The following UPP2 variants were observed in gnomAD, a reference collection of about 807,000 sequenced individuals.
The protein encoded by UPP2 is uridine phosphorylase 2.
In UPP2, 23 loss-of-function variants were observed where a neutral mutation model predicts 26.7. That is an observed-to-expected ratio of 0.86 (90% CI 0.62 to 1.22). UPP2 has a LOEUF of 1.22. Among genes scored for constraint, UPP2 ranks in the 50% most tolerant of loss-of-function variants. The pLI, the probability that UPP2 is intolerant of heterozygous loss-of-function variation, is 0.00. For missense variants in UPP2, 387 were observed against 396.7 expected (o/e 0.98, Z 0.21); for synonymous variants, 127 against 141.3 (o/e 0.90, Z 0.72).
chr2:158,132,395 G>C (rs553999377), intron 6 of UPP2, among the ~76,000 whole-genome samples: 1 of 152,298 alleles, frequency 6.6e-6, no homozygotes, highest in South Asian at 2.1e-4. Context: ...AGGAAGCTAG[G>C]AGTTGATTGG....
chr2:157,998,148 T>A (rs1048324665), intron 2 of UPP2, among the ~76,000 whole-genome samples: 2 of 152,132 alleles, frequency 1.3e-5, no homozygotes, highest in Non-Finnish European at 2.9e-5. Context: ...TCTTGGTGGA[T>A]TGACTAAAAC....
intron 3 of UPP2, among the ~76,000 whole-genome samples, chr2:158,047,610 C>A (rs952420797): frequency 6.6e-6 from 1 of 152,162 alleles, no homozygotes; most frequent in African/African-American, 2.4e-5. Flanking sequence ...AGCACCACTC[C>A]TTAGTGTCAT....
In UPP2 at chr2:158,020,050, C is replaced by T. The variant is rs780161517; in HGVS notation, c.147+4164C>T. 5.3e-5 allele frequency among the ~76,000 whole-genome samples: 8 copies of T among 152,220 alleles called. No homozygotes were observed. The South Asian group carries it at 1.0e-3, about 20-fold the overall frequency. ...AAAGGCTAAGGTGACTGTTGAATAG[C>T]GACTAGATTTGCTTGAAAGGCCCAG... On this transcript the variant is annotated intron_variant, in intron 3 of 9. Transcript: ENST00000605860.
At chr2:158,107,162 TG>T (rs1274893276) in intron 2 of UPP2, among the ~76,000 whole-genome samples, 2 of 152,220 alleles carry the variant, frequency 1.3e-5, no homozygotes, top group African/African-American at 4.8e-5. Context: ...TTCACAGAAA[TG>T]GTCAAAGAGA....
chr2:158,043,156 G>A (rs1031606449), intron 3 of UPP2, among the ~76,000 whole-genome samples: 1 of 152,158 alleles, frequency 6.6e-6, no homozygotes, highest in Non-Finnish European at 1.5e-5. Context: ...TGGGGCAGCT[G>A]GTTTCCCTCT....
Position 158,134,857 on chromosome 2 carries a change from C to T in UPP2, c.921C>T (p.Asn307=), listed in dbSNP as rs368713824. The change falls in exon 7 of 7, where the codon AAC becomes AAT. Residue 307 remains asparagine (N), a synonymous_variant. Coordinates refer to ENST00000005756, the MANE Select transcript of UPP2 (RefSeq NM_173355.4). Reference sequence around the variant, plus strand: ...AACGGCCTCAGCTCCTAATCTCCAACTTCATCAGACGGCGGCTTGGACTTT... The same window carrying T: ...AACGGCCTCAGCTCCTAATCTCCAATTTCATCAGACGGCGGCTTGGACTTT... ...YQQRPQLLIS[N]FIRRRLGLCD 1.9e-6 allele frequency: 3 copies of T among 1,613,610 alleles called. No homozygotes were observed. In the African/African-American group the frequency reaches 4.0e-5, roughly 22 times the overall value.
At chr2:158,046,939 A>G (rs1182279218) in intron 3 of UPP2, among the ~76,000 whole-genome samples, 1 of 152,212 alleles carries the variant, frequency 6.6e-6, no homozygotes, top group African/African-American at 2.4e-5. Context: ...GAATAGAATG[A>G]TTTTCCAAAG....
intron 3 of UPP2, among the ~76,000 whole-genome samples, chr2:158,054,701 T>C (rs914520738): frequency 2.6e-5 from 4 of 152,248 alleles, no homozygotes; most frequent in Admixed American, 6.5e-5. Flanking sequence ...GTATTTTAAT[T>C]GGTTCTTCTC....
intron 3 of UPP2, among the ~76,000 whole-genome samples, chr2:158,039,744 C>G (rs1684058777): frequency 6.6e-6 from 1 of 152,184 alleles, no homozygotes; most frequent in South Asian, 2.1e-4. Flanking sequence ...TGCATTTTAA[C>G]CCAGATACTA....
chr2:158,118,993 A>C (rs1207536298), intron 4 of UPP2, among the ~76,000 whole-genome samples: 1 of 152,028 alleles, frequency 6.6e-6, no homozygotes, highest in African/African-American at 2.4e-5. Context: ...CCATAGAGAG[A>C]AGTAGAGTGC....
chr2:158,026,137 A>G (rs1017032198), intron 3 of UPP2, among the ~76,000 whole-genome samples: 8 of 152,116 alleles, frequency 5.3e-5, no homozygotes, highest in African/African-American at 1.9e-4. Context: ...CTTGTCGACA[A>G]GAGACCTGAG....
At chr2:158,030,454 C>T (rs971095057) in intron 3 of UPP2, among the ~76,000 whole-genome samples, 3 of 152,154 alleles carry the variant, frequency 2.0e-5, no homozygotes, top group South Asian at 2.1e-4. Flanking sequence ...TATATTTGAG[C>T]ATATGTTATA....
At chr2:158,122,963 G>A (rs1220243115) in intron 5 of UPP2, among the ~76,000 whole-genome samples, 1 of 152,154 alleles carries the variant, frequency 6.6e-6, no homozygotes, top group African/African-American at 2.4e-5. Flanking sequence ...AGAGGAAAGG[G>A]AGAAAAAGAG....
chr2:158,042,556 C>T (rs188451732), intron 3 of UPP2, among the ~76,000 whole-genome samples: 1 of 152,172 alleles, frequency 6.6e-6, no homozygotes, highest in African/African-American at 2.4e-5. Flanking sequence ...TTTAGACAAA[C>T]AGCAGGGCTT....
intron 2 of UPP2, among the ~76,000 whole-genome samples, chr2:158,009,124 C>T (rs1683537971): frequency 6.6e-6 from 1 of 152,008 alleles, no homozygotes; most frequent in Non-Finnish European, 1.5e-5. Context: ...TAGGACAGTA[C>T]CCTTTAATTT....
intron 3 of UPP2, among the ~76,000 whole-genome samples, chr2:158,064,380 C>G (rs894741419): frequency 5.3e-5 from 8 of 151,892 alleles, no homozygotes; most frequent in African/African-American, 1.9e-4. Context: ...TGTTTGTTGG[C>G]CACATGAATA....
At chr2:158,007,091 C>T (rs1173359829) in intron 2 of UPP2, among the ~76,000 whole-genome samples, 1 of 152,140 alleles carries the variant, frequency 6.6e-6, no homozygotes, top group Admixed American at 6.5e-5. Flanking sequence ...CCTTTGCCAG[C>T]CTCTCTGGCA....
chr2:158,122,216 C>T lies in UPP2; in HGVS notation c.664+598C>T, dbSNP rs375512136. Among the ~76,000 whole-genome samples the T allele has an allele frequency of 3.3e-5, 5 of 151,050 alleles. No individual in the cohort carries two copies. The South Asian group carries it at 1.0e-3, about 32-fold the overall frequency. ...CAAAGACAGACCCCCGATTCTTTCT[C>T]GTCCCAGAAGAAAGAATCTACACAG... is the stretch of plus-strand genomic sequence containing the variant. On this transcript the variant is annotated intron_variant, in intron 5 of 6. Transcript: ENST00000005756.
chr2:158,002,542 G>A (rs1390553705), intron 2 of UPP2, among the ~76,000 whole-genome samples: 1 of 152,280 alleles, frequency 6.6e-6, no homozygotes, highest in Non-Finnish European at 1.5e-5. Context: ...CAGAGCAAGA[G>A]CTTTGCTGGG....
Sources: allele counts gnomAD v4.1 joint callset (sites outside exome capture counted in the v4.1 genomes callset), GRCh38; gene constraint gnomAD v4.1.1; transcripts MANE v1.5; gene names NCBI Gene and HGNC (gene_info 2026-07-23, HGNC 2026-07-21).